FAM135A: variants seen among roughly 807,000 people sequenced by gnomAD.
FAM135A encodes the protein family with sequence similarity 135 member A.
A neutral mutation model predicts 146.8 loss-of-function variants in FAM135A; 79 were observed. That is an observed-to-expected ratio of 0.54 (90% CI 0.45 to 0.65). The LOEUF (loss-of-function observed/expected upper bound fraction) is 0.65, where lower values mean the gene tolerates loss of function less well. FAM135A is among the 30% of genes least tolerant of loss of function. The pLI, the probability that FAM135A is intolerant of heterozygous loss-of-function variation, is 0.00. For synonymous variants in FAM135A, 562 were observed against 603.6 expected (o/e 0.93, Z 1.01); for missense variants, 1,623 against 1,758.2 (o/e 0.92, Z 1.38).
chr6:70,540,205 C>A (rs138067628), intron 20 of FAM135A, among the ~76,000 whole-genome samples: 1 of 152,134 alleles, frequency 6.6e-6, no homozygotes, highest in Non-Finnish European at 1.5e-5. Context: ...CACGGCTACA[C>A]TGTAGTCCTG....
intron 4 of FAM135A, among the ~76,000 whole-genome samples, chr6:70,447,500 T>A (rs1343378097): frequency 6.6e-6 from 1 of 152,234 alleles, no homozygotes; most frequent in Non-Finnish European, 1.5e-5. Context: ...AGACTCCTGT[T>A]GGGACCTTTT....
chr6:70,549,432 T>A lies in FAM135A; in HGVS notation c.4229-7318T>A, dbSNP rs530548813. 3.9e-5 allele frequency among the ~76,000 whole-genome samples: 6 copies of A among 152,156 alleles called. No individual in the cohort carries two copies. In the East Asian group the frequency reaches 1.2e-3, roughly 29 times the overall value. Reference sequence around the variant, plus strand: ...TATATTTTTAAAATGAAAAATAAATTGTGTGTATACCAAGAAAGGAATTTG... The same window carrying A: ...TATATTTTTAAAATGAAAAATAAATAGTGTGTATACCAAGAAAGGAATTTG... On this transcript the variant is annotated intron_variant, in intron 20 of 21. Transcript: ENST00000418814.
chr6:70,453,483 T>A (rs1202545060), intron 5 of FAM135A, among the ~76,000 whole-genome samples: 1 of 152,208 alleles, frequency 6.6e-6, no homozygotes, highest in Non-Finnish European at 1.5e-5. Flanking sequence ...TTTGCATATG[T>A]ATACATGTGC....
At chr6:70,414,937 T>C (rs1767223538) in intron 1 of FAM135A, among the ~76,000 whole-genome samples, 1 of 152,234 alleles carries the variant, frequency 6.6e-6, no homozygotes, top group Admixed American at 6.5e-5. Context: ...GAACTAATCT[T>C]AAATGAAATT....
intron 10 of FAM135A, chr6:70,486,217 C>T: frequency 6.2e-7 from 1 of 1,613,790 alleles, no homozygotes; most frequent in Non-Finnish European, 8.5e-7. Flanking sequence ...AAGAAAACAG[C>T]TACGAACACA....
chr6:70,538,748 C>A (rs1797234895), intron 20 of FAM135A, among the ~76,000 whole-genome samples: 1 of 150,308 alleles, frequency 6.7e-6, no homozygotes, highest in Non-Finnish European at 1.5e-5. Flanking sequence ...GTCTCCCACC[C>A]CAATCCTCAC....
intron 18 of FAM135A, 103 bp downstream of exon 18, chr6:70,533,957 A>T: frequency 2.1e-6 from 1 of 479,014 alleles, no homozygotes. Context: ...AATATAGGAG[A>T]CTACAACTCA....
rs1794318651 is a variant in FAM135A, at chr6:70,524,726, G to T, written c.1642G>T (p.Glu548Ter). The change falls in exon 15 of 22, where the codon GAA becomes TAA. Residue 548 changes from glutamate to a stop codon, truncating the protein, a stop_gained. Coordinates refer to ENST00000418814, the MANE Select transcript of FAM135A (RefSeq NM_001162529.3). LOFTEE classifies it high-confidence loss of function. ...FEGNPSHSQK[E>*]GLDPTICGYN... ...AGGCAATCCTTCACATAGTCAGAAGGAAGGTCTGGATCCCACAATATGTGG... is the reference window on the plus strand; with the variant it reads ...AGGCAATCCTTCACATAGTCAGAAGTAAGGTCTGGATCCCACAATATGTGG... 6.5e-7 allele frequency: 1 copy of T among 1,549,574 alleles called. No homozygotes were observed. Among genetic ancestry groups the T allele is most frequent in the South Asian group, 1.2e-5 (1 of 83,386 alleles).
rs75342963 is a variant in FAM135A, at chr6:70,555,393, G to GT, written c.4229-1356dup. ...GGGTCCTCCCACCTCAGCCTCCTGA[G>GT]TGAGACTACAGTTATGCAGCACCAC... On this transcript the variant is annotated intron_variant, in intron 20 of 21. Coordinates refer to ENST00000418814, the MANE Select transcript of FAM135A (RefSeq NM_001162529.3). Among the ~76,000 whole-genome samples the GT allele has an allele frequency of 3.0e-4, 46 of 152,218 alleles. No homozygotes were observed. The East Asian group carries it at 7.5e-3, about 25-fold the overall frequency.
chr6:70,425,841 C>T (rs558501457), intron 2 of FAM135A, among the ~76,000 whole-genome samples: 6 of 152,282 alleles, frequency 3.9e-5, no homozygotes, highest in Non-Finnish European at 7.4e-5. Context: ...CGGTGGCTCA[C>T]GCCTGTAATC....
intron 5 of FAM135A, among the ~76,000 whole-genome samples, chr6:70,470,810 CTAAA>C (rs1445254955): frequency 6.6e-6 from 1 of 152,176 alleles, no homozygotes; most frequent in African/African-American, 2.4e-5. Flanking sequence ...ATCAAACACA[CTAAA>C]TAGCAAAGAC....
At position 70,477,224 on chromosome 6, in the gene FAM135A, A is replaced by G. The variant is rs1383124303; in HGVS notation, c.434A>G (p.His145Arg). The change falls in exon 8 of 22, where the codon CAT becomes CGT. Residue 145 changes from histidine (H) to arginine (R), a missense_variant. Transcript: ENST00000418814. ...SRTLKLHFSP[H>R]RGLHHHVNVM... Reference sequence around the variant, plus strand: ...ACATTGAAGCTGCACTTTAGCCCCCATAGAGGCCTTCATCATCATGTTAAT... The same window carrying G: ...ACATTGAAGCTGCACTTTAGCCCCCGTAGAGGCCTTCATCATCATGTTAAT... The G allele has an allele frequency of 1.9e-6, 3 of 1,613,690 alleles. No individual in the cohort carries two copies. The highest frequency in any genetic ancestry group is 1.7e-4 in the Middle Eastern group (1 of 6,058).
intron 20 of FAM135A, among the ~76,000 whole-genome samples, chr6:70,552,618 G>A (rs1208308887): frequency 6.6e-6 from 1 of 151,978 alleles, no homozygotes; most frequent in African/African-American, 2.4e-5. Flanking sequence ...ACAGGTGCCT[G>A]CCACCGTGCC....
intron 15 of FAM135A, among the ~76,000 whole-genome samples, chr6:70,527,603 T>G (rs1449740323): frequency 6.6e-6 from 1 of 152,178 alleles, no homozygotes; most frequent in African/African-American, 2.4e-5. Context: ...CTTATCCTAC[T>G]CAGTTTAGTG....
At chr6:70,513,177 T>C (rs1191164104) in intron 12 of FAM135A, 2 of 151,824 alleles carry the variant, frequency 1.3e-5, no homozygotes, top group African/African-American at 4.8e-5. Context: ...TTTATTGTTA[T>C]AATATTATAC....
chr6:70,468,424 G>T (rs78187073), intron 5 of FAM135A, among the ~76,000 whole-genome samples: 1 of 152,280 alleles, frequency 6.6e-6, no homozygotes, highest in African/African-American at 2.4e-5. Context: ...TAAGCTTAGG[G>T]TTCCTCAATT....
intron 12 of FAM135A, 80 bp from the exon 13 acceptor site, chr6:70,522,433 G>GT: frequency 2.4e-6 from 3 of 1,242,272 alleles, no homozygotes; most frequent in Non-Finnish European, 3.5e-6. Context: ...AATGGAGGCA[G>GT]TTTCTCTCCT....
intron 4 of FAM135A, among the ~76,000 whole-genome samples, chr6:70,450,398 T>G (rs1165971952): frequency 1.3e-5 from 2 of 152,182 alleles, no homozygotes; most frequent in African/African-American, 2.4e-5. Context: ...TTTTACAGTT[T>G]CAGGTCTTAT....
intron 10 of FAM135A, among the ~76,000 whole-genome samples, chr6:70,483,700 A>G (rs1784131611): frequency 6.6e-6 from 1 of 152,224 alleles, no homozygotes; most frequent in Non-Finnish European, 1.5e-5. Flanking sequence ...CCACAAAACT[A>G]TTATACTAAC....
Sources: gnomAD v4.1 joint callset for allele counts (sites outside exome capture counted in the v4.1 genomes callset) on GRCh38, gnomAD v4.1.1 for gene constraint, MANE v1.5 for transcripts, NCBI Gene and HGNC (gene_info 2026-07-23, HGNC 2026-07-21) for gene names.